The following ART1 variants were observed in gnomAD, a reference collection of about 807,000 sequenced individuals.
ART1 encodes the protein GPI-linked NAD(P)(+)--arginine ADP-ribosyltransferase 1.
In ART1, 29 loss-of-function variants were observed where a neutral mutation model predicts 27.0. The ratio of observed to expected loss-of-function variants is 1.08; its 90% CI spans 0.80 to 1.47. The LOEUF is 1.47. Among genes scored for constraint, ART1 ranks in the 40% most tolerant of loss-of-function variants. The pLI is 0.00. For synonymous variants in ART1, 201 were observed against 172.2 expected (o/e 1.17, Z -1.31); for missense variants, 480 against 423.0 (o/e 1.13, Z -1.18).
intron 1 of ART1, among the ~76,000 whole-genome samples, chr11:3,657,642 T>A (rs1026382295): frequency 1.3e-5 from 2 of 152,208 alleles, no homozygotes; most frequent in African/African-American, 4.8e-5. Context: ...AGATCAATCA[T>A]ATTCAGCACT....
intron 4 of ART1, 41 bp downstream of exon 4, chr11:3,661,454 A>G: frequency 7.9e-7 from 1 of 1,260,978 alleles, no homozygotes; most frequent in Non-Finnish European, 1.1e-6. Context: ...TTCAGGGATG[A>G]GCAGGCTGCT....
chr11:3,653,387 C>T (rs1181624076), intron 1 of ART1, among the ~76,000 whole-genome samples: 2 of 148,356 alleles, frequency 1.3e-5, no homozygotes, highest in Non-Finnish European at 2.9e-5. Context: ...TGTGAAATTC[C>T]TTCTCCTGGC....
intron 1 of ART1, among the ~76,000 whole-genome samples, chr11:3,653,517 C>G (rs1022193978): frequency 1.3e-5 from 2 of 151,926 alleles, no homozygotes; most frequent in Admixed American, 6.5e-5. Context: ...AAAACGGACC[C>G]ACCCTTATCT....
Position 3,648,200 on chromosome 11 carries a change from C to T in ART1, c.-53+3021C>T, listed in dbSNP as rs753226725. Among the ~76,000 whole-genome samples the T allele has an allele frequency of 3.3e-5, 5 of 152,304 alleles. No homozygotes were observed. The South Asian group carries it at 1.0e-3, about 32-fold the overall frequency. ...ATAAAACGGCCCCACCCTTATCTCC[C>T]TTCGCTGACTCTCTTTTCGGACTCA... On this transcript the variant is annotated intron_variant, in intron 1 of 4. Coordinates refer to ENST00000250693, the MANE Select transcript of ART1 (RefSeq NM_004314.3).
intron 1 of ART1, among the ~76,000 whole-genome samples, chr11:3,653,227 A>T (rs2077540486): frequency 6.7e-6 from 1 of 148,782 alleles, no homozygotes; most frequent in Admixed American, 6.6e-5. Flanking sequence ...GAAGACAGGA[A>T]TGTCAGGCCT....
In ART1 at chr11:3,664,278, G is replaced by A. The variant is rs550781960; in HGVS notation, c.*89G>A. On this transcript the variant is annotated 3_prime_UTR_variant, in exon 5 of 5. Transcript: ENST00000250693. ...TGCTTTCAGTGTAACCAAGATTCCT[G>A]TCAATCCCATCTGCAGGGAACTCTG... 3.9e-5 allele frequency: 50 copies of A among 1,291,956 alleles called. No individual in the cohort carries two copies. In the African/African-American group the frequency reaches 6.3e-4, roughly 16 times the overall value. 80.0% of individuals were successfully genotyped at this position (1,291,956 alleles called of 1,614,324 possible). A position where few individuals can be genotyped will look rare whatever the true frequency, so the allele number is the denominator to read the frequency against.
chr11:3,645,388 T>C (rs560628436), intron 1 of ART1, among the ~76,000 whole-genome samples: 1 of 152,210 alleles, frequency 6.6e-6, no homozygotes, highest in South Asian at 2.1e-4. Flanking sequence ...CAGGAGGGTA[T>C]GTTCAGCAAG....
intron 1 of ART1, among the ~76,000 whole-genome samples, chr11:3,658,618 G>C (rs1011454742): frequency 6.6e-6 from 1 of 152,136 alleles, no homozygotes; most frequent in Admixed American, 6.6e-5. Context: ...TGCAGGGAGT[G>C]GGGGCAACTG....
intron 1 of ART1, chr11:3,655,737 A>T (rs932378321): frequency 6.6e-6 from 1 of 152,104 alleles, no homozygotes; most frequent in African/African-American, 2.4e-5. Flanking sequence ...GTGCCCATCC[A>T]TGAGCCAGTC....
At position 3,660,130 on chromosome 11, in the gene ART1, C is replaced by T. The variant is rs368030263; in HGVS notation, c.611C>T (p.Ser204Phe). The T allele has an allele frequency of 4.6e-5, 75 of 1,613,808 alleles. No individual in the cohort carries two copies. Among genetic ancestry groups the T allele is most frequent in the Non-Finnish European group, 6.1e-5 (72 of 1,180,008 alleles). ...TVRLGGFASASLKHVAAQQFG... is the reference protein window; with the variant it reads ...TVRLGGFASAFLKHVAAQQFG... ...AGGCTGGGGGGCTTTGCTTCTGCCT[C>T]CCTGAAGCATGTTGCAGCCCAGCAG... The change falls in exon 3 of 5, where the codon TCC becomes TTC. Residue 204 changes from serine to phenylalanine, a missense_variant. Transcript: ENST00000250693.
chr11:3,654,774 A>C (rs2077556164), intron 1 of ART1, among the ~76,000 whole-genome samples: 1 of 148,834 alleles, frequency 6.7e-6, no homozygotes, highest in African/African-American at 2.5e-5. Context: ...ATCAGACATC[A>C]AGTCTTGTAA....
intron 3 of ART1, among the ~76,000 whole-genome samples, chr11:3,660,620 A>G (rs10834744): frequency 0.21 from 31,532 of 152,162 alleles, 3,689 homozygotes; most frequent in East Asian, 0.45. Context: ...TGGCCAACGC[A>G]GCGGTCTCTG....
intron 1 of ART1, among the ~76,000 whole-genome samples, chr11:3,654,880 T>C (rs1235484080): frequency 6.6e-6 from 1 of 152,198 alleles, no homozygotes; most frequent in African/African-American, 2.4e-5. Context: ...TCTCCTCCCC[T>C]CAAGCCTCTG....
At chr11:3,645,427 T>G (rs1351537256) in intron 1 of ART1, among the ~76,000 whole-genome samples, 1 of 152,094 alleles carries the variant, frequency 6.6e-6, no homozygotes, top group East Asian at 1.9e-4. Flanking sequence ...ATGACAGAAT[T>G]GCTCCGAGCA....
In ART1 at chr11:3,659,834, G is replaced by A. The variant is rs761492484; in HGVS notation, c.315G>A (p.Pro105=). 47 of 1,611,736 alleles carry A rather than the reference G, an allele frequency of 2.9e-5. No homozygotes were observed. Among genetic ancestry groups the A allele is most frequent in the Admixed American group, 6.7e-5 (4 of 59,918 alleles). ...GTCTCAGCCCCACCCGTCCATCCCCGCCACCCCTGGGCTTCCGCGATGAGC... is the reference window on the plus strand; with the variant it reads ...GTCTCAGCCCCACCCGTCCATCCCCACCACCCCTGGGCTTCCGCGATGAGC... The part of the protein sequence containing the change: ...EWSLSPTRPS[P]PPLGFRDEHG... Residue 105 remains proline, a synonymous_variant, in exon 3 of 5, where the codon CCG becomes CCA. Transcript: ENST00000250693.
In ART1 at chr11:3,650,123, A is replaced by G. The variant is rs111307576; in HGVS notation, c.-53+4944A>G. Among the ~76,000 whole-genome samples, 3 of 152,298 alleles carry G rather than the reference A, an allele frequency of 2.0e-5. No homozygotes were observed. The South Asian group carries it at 6.2e-4, about 32-fold the overall frequency. ...CTCCACTGTGAGACAAACACCAGCC[A>G]CATCTCCGGCACACAAGAACTTCCA... is the stretch of plus-strand genomic sequence containing the variant. On this transcript the variant is annotated intron_variant, in intron 1 of 4. Transcript: ENST00000250693.
chr11:3,653,109 A>C (rs150022508), intron 1 of ART1, among the ~76,000 whole-genome samples: 5,187 of 146,250 alleles, frequency 0.035, 911 homozygotes, highest in African/African-American at 0.13. Flanking sequence ...GCCCCTAATC[A>C]AAGCAGCCCT....
chr11:3,655,098 C>G (rs769957085), intron 1 of ART1, among the ~76,000 whole-genome samples: 2 of 152,192 alleles, frequency 1.3e-5, no homozygotes, highest in Non-Finnish European at 2.9e-5. Context: ...GGTTGGGCAG[C>G]TCTGCTCAGG....
At position 3,659,220 on chromosome 11, in the gene ART1, A is replaced by T. The variant is rs773699062; in HGVS notation, c.7A>T (p.Met3Leu). The change falls in exon 2 of 5, where the codon ATG becomes TTG. Residue 3 changes from methionine (M) to leucine (L), a missense_variant. Met to Leu is a conservative substitution (Grantham distance 15). Coordinates refer to ENST00000250693, the MANE Select transcript of ART1 (RefSeq NM_004314.3). Reference protein sequence around the residue: MQMPAMMSLLLVS... With the variant: MQLPAMMSLLLVS... Reference sequence around the variant, plus strand: ...CTGGCCCAGGGTCACCAGCATGCAGATGCCTGCTATGATGTCTCTGCTTCT... The same window carrying T: ...CTGGCCCAGGGTCACCAGCATGCAGTTGCCTGCTATGATGTCTCTGCTTCT... 11 of 1,614,048 alleles carry T rather than the reference A, an allele frequency of 6.8e-6. No homozygotes were observed. The highest frequency in any genetic ancestry group is 1.3e-5 in the African/African-American group (1 of 74,916).
Sources: gnomAD v4.1 joint callset for allele counts (sites outside exome capture counted in the v4.1 genomes callset) on GRCh38, gnomAD v4.1.1 for gene constraint, MANE v1.5 for transcripts, NCBI Gene and HGNC (gene_info 2026-07-23, HGNC 2026-07-21) for gene names.